The following RBFOX3 variants were observed in gnomAD, a reference collection of about 807,000 sequenced individuals.
RBFOX3 encodes the protein RNA binding fox-1 homolog 3, also known as RNA binding protein fox-1 homolog 3.
Under a neutral mutation model 48.7 loss-of-function variants are expected in RBFOX3, and 17 were observed. The observed-to-expected ratio is 0.35, with a 90% CI of 0.24 to 0.52. RBFOX3 has a LOEUF of 0.52. RBFOX3 is among the 20% of genes least tolerant of loss of function. The probability of loss-of-function intolerance (pLI) is 0.94; values close to 1 mark genes in which losing one functional copy is unlikely to be tolerated. For synonymous variants in RBFOX3, 212 were observed against 209.5 expected (o/e 1.01, Z -0.10); for missense variants, 382 against 497.5 (o/e 0.77, Z 2.21).
chr17:79,645,293 T>C, the RBFOX3 span, among the ~76,000 whole-genome samples: 3 of 152,126 alleles, frequency 2.0e-5, no homozygotes, highest in African/African-American at 7.2e-5. Flanking sequence ...ACCTGTGTGG[T>C]GTGCCCCACC....
intron 2 of RBFOX3, among the ~76,000 whole-genome samples, chr17:79,461,085 G>A (rs994150039): frequency 7.2e-5 from 11 of 152,184 alleles, no homozygotes; most frequent in Non-Finnish European, 1.2e-4. Flanking sequence ...TCACTGCAAA[G>A]GATGCATAAA....
At chr17:79,611,161 T>TCG (rs1361346551), upstream of RBFOX3, among the ~76,000 whole-genome samples, 1 of 34,430 alleles carries the variant, frequency 2.9e-5, no homozygotes, top group Non-Finnish European at 6.6e-5. Flanking sequence ...TCTCTCTCTC[T>TCG]CTCTCTCTCT....
At chr17:79,528,098 T>C (rs2087054737) in intron 1 of RBFOX3, among the ~76,000 whole-genome samples, 1 of 151,238 alleles carries the variant, frequency 6.6e-6, no homozygotes, top group Admixed American at 6.6e-5. Context: ...CTGAGGAGAA[T>C]CTTAGTTGAA....
intron 2 of RBFOX3, among the ~76,000 whole-genome samples, chr17:79,425,745 A>T (rs1555725100): frequency 6.6e-6 from 1 of 151,906 alleles, no homozygotes; most frequent in Non-Finnish European, 1.5e-5. Flanking sequence ...GGGAGCAGTG[A>T]AGGGACAGAG....
chr17:79,125,598 C>T (rs752039369), intron 4 of RBFOX3, among the ~76,000 whole-genome samples: 1 of 152,238 alleles, frequency 6.6e-6, no homozygotes, highest in Non-Finnish European at 1.5e-5. Flanking sequence ...ATGGTCTGGC[C>T]GTGGATGGAG....
the RBFOX3 span, among the ~76,000 whole-genome samples, chr17:79,632,758 A>G: frequency 3.7e-4 from 56 of 151,234 alleles, no homozygotes; most frequent in African/African-American, 1.3e-3. Context: ...AAAAAAAAAA[A>G]AAAGTTAGCA....
chr17:79,414,519 C>T (rs546655843), intron 2 of RBFOX3, among the ~76,000 whole-genome samples: 22 of 152,312 alleles, frequency 1.4e-4, no homozygotes, highest in East Asian at 1.4e-3. Context: ...GAAAGCTCCC[C>T]GTGAATCCCT....
intron 1 of RBFOX3, among the ~76,000 whole-genome samples, chr17:79,536,977 T>C (rs1438880828): frequency 1.8e-4 from 28 of 151,974 alleles, no homozygotes; most frequent in African/African-American, 6.5e-4. Context: ...CCCAGCTACT[T>C]GGGAGGCTGA....
the RBFOX3 span, among the ~76,000 whole-genome samples, chr17:79,648,310 G>A: frequency 6.6e-6 from 1 of 152,148 alleles, no homozygotes; most frequent in South Asian, 2.1e-4. Context: ...GAGACCTAGA[G>A]CTTAGCTTAG....
chr17:79,577,801 T>C (rs1204920502), intron 1 of RBFOX3, among the ~76,000 whole-genome samples: 1 of 151,996 alleles, frequency 6.6e-6, no homozygotes, highest in Admixed American at 6.5e-5. Flanking sequence ...GGGAGGCCAG[T>C]GTAGGAGAAC....
At chr17:79,146,405 G>A (rs115323407) in intron 4 of RBFOX3, among the ~76,000 whole-genome samples, 326 of 152,338 alleles carry the variant, frequency 2.1e-3, no homozygotes, top group African/African-American at 7.5e-3. Flanking sequence ...GCATTAGACC[G>A]AGTCTGCAAG....
chr17:79,642,699 CA>C, the RBFOX3 span, among the ~76,000 whole-genome samples: 1 of 151,918 alleles, frequency 6.6e-6, no homozygotes, highest in African/African-American at 2.4e-5. Flanking sequence ...AACACTAAAA[CA>C]AACAAAGTTA....
At chr17:79,177,653 C>T (rs1234886328) in intron 4 of RBFOX3, among the ~76,000 whole-genome samples, 1 of 152,196 alleles carries the variant, frequency 6.6e-6, no homozygotes, top group East Asian at 1.9e-4. Flanking sequence ...GGCATTCTTC[C>T]CATGTCCATC....
rs2075485163 is a variant in RBFOX3, at chr17:79,097,210, C to T, written c.755+82G>A. On this transcript the variant is annotated intron_variant, in intron 11 of 14. Coordinates refer to ENST00000693108, the MANE Select transcript of RBFOX3 (RefSeq NM_001350451.2). ...GGTCTGGAAAGGCTGCCTAGCCCCT[C>T]GCACTGCGCAGGGCCTCCCCATTTC... 10 of 1,235,914 alleles carry T rather than the reference C, an allele frequency of 8.1e-6. No individual in the cohort carries two copies. The East Asian group carries it at 2.4e-4, about 30-fold the overall frequency. 76.6% of individuals were successfully genotyped at this position (1,235,914 alleles called of 1,614,324 possible).
At chr17:79,288,490 C>T (rs563639180) in intron 3 of RBFOX3, among the ~76,000 whole-genome samples, 1 of 152,084 alleles carries the variant, frequency 6.6e-6, no homozygotes, top group Non-Finnish European at 1.5e-5. Flanking sequence ...CCCCCCAGCC[C>T]GGCTTCCAGC....
At position 79,473,349 on chromosome 17, in the gene RBFOX3, T is replaced by C. The variant is rs1463786647; in HGVS notation, c.-175+9105A>G. On this transcript the variant is annotated intron_variant, in intron 2 of 14. Coordinates refer to ENST00000693108, the MANE Select transcript of RBFOX3 (RefSeq NM_001350451.2). The surrounding 1 kb of genome is among the most constrained non-coding windows in gnomAD (Gnocchi z 4.2). ...TGTATGGCCCTGGGTTGGTCATTTA[T>C]CTGCAGCTCAGCTTCCTCACAGAGC... 6.6e-6 allele frequency among the ~76,000 whole-genome samples: 1 copy of C among 152,224 alleles called. No individual in the cohort carries two copies. Among genetic ancestry groups the C allele is most frequent in the Non-Finnish European group, 1.5e-5 (1 of 68,052 alleles).
chr17:79,307,152 C>T (rs1172973354), intron 3 of RBFOX3, among the ~76,000 whole-genome samples: 1 of 152,226 alleles, frequency 6.6e-6, no homozygotes, highest in Non-Finnish European at 1.5e-5. Context: ...GCGGCCACCT[C>T]GGGGCGCGGA....
chr17:79,461,818 G>A (rs1275547282), intron 2 of RBFOX3, among the ~76,000 whole-genome samples: 1 of 152,202 alleles, frequency 6.6e-6, no homozygotes, highest in African/African-American at 2.4e-5. Context: ...AGAGGAGAAG[G>A]CCATGTGACA....
chr17:79,307,315 C>T (rs1415227868), intron 3 of RBFOX3, among the ~76,000 whole-genome samples: 1 of 152,184 alleles, frequency 6.6e-6, no homozygotes, highest in Non-Finnish European at 1.5e-5. Context: ...CCGGTGGGAG[C>T]CACCCAGGAG....
Sources: gnomAD v4.1 joint callset for allele counts (sites outside exome capture counted in the v4.1 genomes callset) on GRCh38, gnomAD v4.1.1 for gene constraint, Gnocchi (gnomAD v3.1) non-coding constraint, MANE v1.5 for transcripts, NCBI Gene and HGNC (gene_info 2026-07-23, HGNC 2026-07-21) for gene names.